Variants in SMG1 observed in about 807,000 individuals in gnomAD.
The protein encoded by SMG1 is serine/threonine-protein kinase SMG1.
SMG1 carries 22 observed loss-of-function variants against 419.9 expected under a neutral mutation model. That is an observed-to-expected ratio of 0.05 (90% CI 0.04 to 0.07). The LOEUF (loss-of-function observed/expected upper bound fraction) is 0.07. Ranked by LOEUF, SMG1 falls within the 10% of genes least tolerant of loss-of-function variation. The pLI is 1.00. For missense variants in SMG1, 3,185 were observed against 4,342.0 expected (o/e 0.73, Z 7.49); for synonymous variants, 1,538 against 1,553.5 (o/e 0.99, Z 0.23).
chr16:18,867,853 C>T lies in SMG1; in HGVS notation c.3195+337G>A, dbSNP rs572064174. Among the ~76,000 whole-genome samples, 49 of 151,656 alleles carry T rather than the reference C, an allele frequency of 3.2e-4. 2 individuals are homozygous for T. The South Asian group carries it at 8.8e-3, about 27-fold the overall frequency. ...CCTCCCGAGTAGCTGGGACTACAGG[C>T]GCCTGCCACCACGCCCAGCTAATTT... On this transcript the variant is annotated intron_variant, in intron 22 of 62. Coordinates refer to ENST00000446231, the MANE Select transcript of SMG1 (RefSeq NM_015092.5).
rs550444192 is a variant in SMG1, at chr16:18,923,382, C to A, written c.92+2568G>T. Among the ~76,000 whole-genome samples, 9 of 152,300 alleles carry A rather than the reference C, an allele frequency of 5.9e-5. No homozygotes were observed. In the South Asian group the frequency reaches 1.9e-3, roughly 32 times the overall value. ...TAAATCGGCTGAGTGCGGTGACTTA[C>A]ACCTGTAATCCCAGCACTTCGGGAG... On this transcript the variant is annotated intron_variant, in intron 1 of 62. Transcript: ENST00000446231.
chr16:18,812,869 T>C (rs950826525), intron 60 of SMG1, among the ~76,000 whole-genome samples: 1 of 152,154 alleles, frequency 6.6e-6, no homozygotes, highest in Non-Finnish European at 1.5e-5. Context: ...CCTTCCTGTG[T>C]CCAAGTGTTC....
intron 6 of SMG1, among the ~76,000 whole-genome samples, chr16:18,889,025 T>C (rs2036764446): frequency 6.6e-6 from 1 of 150,996 alleles, no homozygotes; most frequent in South Asian, 2.1e-4. Context: ...GGGGTTTCAC[T>C]ATGTTAGCCA....
Position 18,842,311 on chromosome 16 carries a change from G to C in SMG1, c.6363C>G (p.Ile2121Met). The C allele has an allele frequency of 1.2e-6, 2 of 1,614,018 alleles. No homozygotes were observed. The highest frequency in any genetic ancestry group is 1.7e-6 in the Non-Finnish European group (2 of 1,179,886). The change falls in exon 40 of 63, where the codon ATC (isoleucine) becomes ATG (methionine). Residue 2121 changes from isoleucine to methionine, a missense_variant. By Grantham distance (10) the Ile-to-Met change is conservative. Coordinates refer to ENST00000446231, the MANE Select transcript of SMG1 (RefSeq NM_015092.5). ...GEVSARDTVT[I>M]HSVGGTITIL... is the part of the protein sequence containing the mutation. ...TTGTGATGGTTCCGCCCACACTATG[G>C]ATTGTGACAGTGTCTCTGGCTGAGA...
At chr16:18,916,290 C>T (rs1437615512) in intron 1 of SMG1, among the ~76,000 whole-genome samples, 3 of 151,172 alleles carry the variant, frequency 2.0e-5, no homozygotes, top group East Asian at 2.0e-4. Flanking sequence ...CCAAGGTGGG[C>T]GGATCACGAG....
chr16:18,867,956 C>T (rs562545759), intron 22 of SMG1, among the ~76,000 whole-genome samples: 1 of 152,202 alleles, frequency 6.6e-6, no homozygotes, highest in Non-Finnish European at 1.5e-5. Flanking sequence ...GATCCGCCCA[C>T]CTCTGCCTCC....
In SMG1 at chr16:18,844,474, TACACACAC is replaced by T. The variant is rs71141074; in HGVS notation, c.6219+947_6219+954del. Among the ~76,000 whole-genome samples the T allele has an allele frequency of 4.8e-3, 20 of 4,170 alleles. 1 individual carries two copies. The highest frequency in any genetic ancestry group is 0.017 in the African/African-American group (13 of 746). The allele number at this position is 4,170 out of a possible 152,430, so 2.7% of individuals were successfully genotyped here. The stretch of plus-strand genomic sequence containing the variant: ...ACAACACCCCCCCCCCCCGCCCACC[TACACACAC>T]ACACACACACACACACACACACACA... On this transcript the variant is annotated intron_variant, in intron 39 of 62. Coordinates refer to ENST00000446231, the MANE Select transcript of SMG1 (RefSeq NM_015092.5).
At chr16:18,816,620 C>G (rs2032027356) in intron 57 of SMG1, 91 bp from the exon 58 acceptor site, 1 of 1,026,824 alleles carries the variant, frequency 9.7e-7, no homozygotes, top group Non-Finnish European at 1.4e-6. Flanking sequence ...ATTAGTAACT[C>G]AAGCTGACAC....
intron 51 of SMG1, among the ~76,000 whole-genome samples, chr16:18,832,219 CAAAGA>C (rs1004077493): frequency 6.6e-6 from 1 of 151,996 alleles, no homozygotes; most frequent in African/African-American, 2.4e-5. Context: ...ATTGGAACGC[CAAAGA>C]AAAGAGGCCC....
At chr16:18,870,916 T>A (rs1402410260) in intron 16 of SMG1, 28 bp from the exon 17 acceptor site, 1 of 1,087,198 alleles carries the variant, frequency 9.2e-7, no homozygotes, top group East Asian at 2.6e-5. Flanking sequence ...ACAGTTACTT[T>A]CAGCTGGCCA....
intron 60 of SMG1, among the ~76,000 whole-genome samples, chr16:18,812,721 G>T (rs2031580859): frequency 6.6e-6 from 1 of 151,710 alleles, no homozygotes; most frequent in African/African-American, 2.4e-5. Context: ...TGCACAACAT[G>T]CAGGTTTGTT....
At chr16:18,863,023 T>C (rs2035295863) in intron 25 of SMG1, among the ~76,000 whole-genome samples, 1 of 152,248 alleles carries the variant, frequency 6.6e-6, no homozygotes, top group African/African-American at 2.4e-5. Context: ...CAATATTCTT[T>C]ATCTAATCTT....
At chr16:18,836,329 A>G (rs1221054535) in intron 47 of SMG1, 31 bp downstream of exon 47, 1 of 1,605,184 alleles carries the variant, frequency 6.2e-7, no homozygotes, top group Non-Finnish European at 8.5e-7. Context: ...TCATAGTTTC[A>G]CATGTGAATC....
chr16:18,889,772 G>T (rs2036796336), intron 5 of SMG1, among the ~76,000 whole-genome samples, 187 bp from the exon 6 acceptor site: 1 of 152,146 alleles, frequency 6.6e-6, no homozygotes, highest in African/African-American at 2.4e-5. Flanking sequence ...TTGCCCTCAA[G>T]TATCTGTCTG....
rs2035680232 is a variant in SMG1 at position 18,869,211 on chromosome 16, T to C, written c.2726A>G (p.Asp909Gly). ...STIPRNLLKTDAVLWQWAIWE... is the reference protein window; with the variant it reads ...STIPRNLLKTGAVLWQWAIWE... ...TATGGCCCACTGCCAAAGGACAGCATCTGTCTTCAGGAGATTGCGTGGAAT... is the reference window on the plus strand; with the variant it reads ...TATGGCCCACTGCCAAAGGACAGCACCTGTCTTCAGGAGATTGCGTGGAAT... The change falls in exon 20 of 63, where the codon GAT becomes GGT. Residue 909 changes from aspartate (D) to glycine (G), a missense_variant. Asp to Gly is a moderately conservative substitution (Grantham distance 94, BLOSUM62 -1). Coordinates refer to ENST00000446231, the MANE Select transcript of SMG1 (RefSeq NM_015092.5). 6.2e-7 allele frequency: 1 copy of C among 1,611,674 alleles called. No individual in the cohort carries two copies. Among genetic ancestry groups the C allele is most frequent in the Admixed American group, 1.7e-5 (1 of 59,998 alleles).
chr16:18,888,270 T>C (rs1883644801), intron 6 of SMG1, among the ~76,000 whole-genome samples: 1 of 150,856 alleles, frequency 6.6e-6, no homozygotes, highest in Non-Finnish European at 1.5e-5. Context: ...AATTATCTTA[T>C]ACCATTTGGA....
At chr16:18,879,907 T>C (rs1302853020) in intron 10 of SMG1, among the ~76,000 whole-genome samples, 188 bp from the exon 11 acceptor site, 2 of 152,368 alleles carry the variant, frequency 1.3e-5, no homozygotes, top group African/African-American at 4.8e-5. Flanking sequence ...AAACATGATC[T>C]TGGCTAAAAA....
At position 18,835,966 on chromosome 16, in the gene SMG1, G is replaced by T; in HGVS notation, c.8024C>A (p.Thr2675Asn). The T allele has an allele frequency of 6.4e-7, 1 of 1,553,326 alleles. No individual in the cohort carries two copies. The highest frequency in any genetic ancestry group is 2.4e-5 in the East Asian group (1 of 41,014). Residue 2675 changes from threonine (T) to asparagine (N), a missense_variant, in exon 48 of 63, where the codon ACC becomes AAC. This residue lies in a region of SMG1 where 412 missense variants were observed against 546.6 expected (regional missense o/e 0.75). Transcript: ENST00000446231. ...KTWMEELICN[T>N]TVERCQELYR... ...GAGCTCTTGACAACGCTCTACTGTG[G>T]TGTTACAGATGAGCTCTTCCATCCA...
At chr16:18,905,250 G>T (rs563298364) in intron 1 of SMG1, among the ~76,000 whole-genome samples, 2 of 152,174 alleles carry the variant, frequency 1.3e-5, no homozygotes, top group African/African-American at 2.4e-5. Flanking sequence ...AACAGTGTGA[G>T]ACTCTGACTC....
Sources: gnomAD v4.1 joint callset for allele counts (sites outside exome capture counted in the v4.1 genomes callset) on GRCh38, gnomAD v4.1.1 for gene constraint, gnomAD v4.1.1 regional missense constraint, MANE v1.5 for transcripts, NCBI Gene and HGNC (gene_info 2026-07-23, HGNC 2026-07-21) for gene names.